Variants in RARB observed in about 807,000 individuals in gnomAD.
RARB encodes retinoic acid receptor beta.
A neutral mutation model predicts 51.9 loss-of-function variants in RARB; 17 were observed. That is an observed-to-expected ratio of 0.33 (90% CI 0.22 to 0.49). RARB has a LOEUF of 0.49. Ranked by LOEUF, RARB falls within the 20% of genes least tolerant of loss-of-function variation. The probability of loss-of-function intolerance (pLI) is 0.99; values close to 1 mark genes in which losing one functional copy is unlikely to be tolerated. For synonymous variants in RARB, 215 were observed against 195.4 expected (o/e 1.10, Z -0.84); for missense variants, 369 against 550.8 (o/e 0.67, Z 3.30).
chr3:24,877,346 C>CTTTTTTTTTTTTTTTTTTTTTTTTTT lies in RARB; in HGVS notation c.-380+18611_-380+18612insTTTTTTTTTTTTTTTTTTTTTTTTTT, dbSNP rs66976672. On this transcript the variant is annotated intron_variant, in intron 2 of 11. Coordinates refer to the RARB transcript ENST00000383772. ...ATAGTAATTTTTTAAAGCAATCTTA[C>CTTTTTTTTTTTTTTTTTTTTTTTTTT]TTTTTTTTTTTTTTTTTGGAAAATT... is the stretch of plus-strand genomic sequence containing the variant. Among the ~76,000 whole-genome samples, 95 of 81,894 alleles carry CTTTTTTTTTTTTTTTTTTTTTTTTTT rather than the reference C, an allele frequency of 1.2e-3. 16 individuals are homozygous for CTTTTTTTTTTTTTTTTTTTTTTTTTT. Among genetic ancestry groups the CTTTTTTTTTTTTTTTTTTTTTTTTTT allele is most frequent in the African/African-American group, 3.2e-3 (63 of 19,470 alleles). The allele number at this position is 81,894 out of a possible 152,430, so 53.7% of individuals were successfully genotyped here. A position where few individuals can be genotyped will look rare whatever the true frequency, so the allele number is the denominator to read the frequency against.
At chr3:25,041,972 C>G (rs1350361642) in intron 2 of RARB, among the ~76,000 whole-genome samples, 2 of 152,074 alleles carry the variant, frequency 1.3e-5, no homozygotes, top group East Asian at 3.9e-4. Context: ...AATCCGCTGT[C>G]CCCAGGGCAG....
At chr3:24,986,258 TAATA>T (rs375761421) in intron 2 of RARB, among the ~76,000 whole-genome samples, 34 of 152,328 alleles carry the variant, frequency 2.2e-4, no homozygotes, top group African/African-American at 6.3e-4. Flanking sequence ...CATGTTCAAG[TAATA>T]AATATGTCCA....
At chr3:24,871,619 TC>T (rs1212070123) in intron 2 of RARB, among the ~76,000 whole-genome samples, 1 of 152,184 alleles carries the variant, frequency 6.6e-6, no homozygotes, top group East Asian at 1.9e-4. Flanking sequence ...TGTCTTGCAT[TC>T]AATGTTCTCG....
intron 3 of RARB, among the ~76,000 whole-genome samples, chr3:25,531,866 G>C (rs943493811): frequency 6.6e-6 from 1 of 152,056 alleles, no homozygotes; most frequent in Non-Finnish European, 1.5e-5. Flanking sequence ...CTTTGCTGAA[G>C]GGAGAAGAAC....
At chr3:25,021,493 G>A (rs529657357) in intron 2 of RARB, among the ~76,000 whole-genome samples, 1 of 152,206 alleles carries the variant, frequency 6.6e-6, no homozygotes, top group South Asian at 2.1e-4. Flanking sequence ...TGGGATCTGG[G>A]ACAAGGAAGT....
rs528392652 is a variant in RARB at position 25,032,405 on chromosome 3, G to T, written c.-379-27720G>T. On this transcript the variant is annotated intron_variant, in intron 2 of 11. Transcript: ENST00000383772. ...TCTCCAAAGCCAGTTTCAGTCATTAGTTGAAGTGCTACATAAATGCTAAGT... is the reference window on the plus strand; with the variant it reads ...TCTCCAAAGCCAGTTTCAGTCATTATTTGAAGTGCTACATAAATGCTAAGT... Among the ~76,000 whole-genome samples, 97 of 152,332 alleles carry T rather than the reference G, an allele frequency of 6.4e-4. 1 individual carries two copies. The highest frequency in any genetic ancestry group is 2.2e-3 in the African/African-American group (93 of 41,578).
At chr3:25,259,115 A>G (rs1702936926) in intron 5 of RARB, 1 of 966,438 alleles carries the variant, frequency 1.0e-6, no homozygotes, top group Admixed American at 6.2e-5. Flanking sequence ...TCAAAATGAC[A>G]ATAACACACC....
At chr3:25,526,403 G>A (rs957254926) in intron 3 of RARB, among the ~76,000 whole-genome samples, 1 of 152,180 alleles carries the variant, frequency 6.6e-6, no homozygotes, top group Non-Finnish European at 1.5e-5. Flanking sequence ...CACATTTGCA[G>A]TTTGAATATA....
At chr3:25,173,949 T>C (rs1309032068) in intron 4 of RARB, among the ~76,000 whole-genome samples, 1 of 152,170 alleles carries the variant, frequency 6.6e-6, no homozygotes, top group East Asian at 1.9e-4. Flanking sequence ...AAAGTTGTAG[T>C]CTATGTTAGA....
intron 2 of RARB, among the ~76,000 whole-genome samples, chr3:24,886,259 T>C (rs1400854383): frequency 6.6e-6 from 1 of 152,150 alleles, no homozygotes; most frequent in Non-Finnish European, 1.5e-5. Flanking sequence ...CCTCTCTAAA[T>C]AGACTACACA....
intron 5 of RARB, among the ~76,000 whole-genome samples, chr3:25,310,480 G>A (rs1006061001): frequency 1.3e-5 from 2 of 152,148 alleles, no homozygotes; most frequent in African/African-American, 2.4e-5. Context: ...GAAATAGGGG[G>A]TTTGGACATT....
chr3:25,083,138 T>C (rs368643976), intron 3 of RARB, among the ~76,000 whole-genome samples: 1 of 31,040 alleles, frequency 3.2e-5, no homozygotes, highest in African/African-American at 4.6e-4. Context: ...GTATGATTTT[T>C]CTTTTTTTCT....
chr3:25,307,781 A>T (rs898183246), intron 5 of RARB, among the ~76,000 whole-genome samples: 1 of 152,208 alleles, frequency 6.6e-6, no homozygotes, highest in South Asian at 2.1e-4. Flanking sequence ...TCCAGCTGGA[A>T]TCTTTCTCAG....
intron 3 of RARB, among the ~76,000 whole-genome samples, chr3:25,077,416 G>T (rs1403854228): frequency 2.0e-5 from 3 of 152,082 alleles, no homozygotes; most frequent in Admixed American, 6.6e-5. Flanking sequence ...TATTGTCTAA[G>T]ATTAATTTTA....
At chr3:25,166,684 A>C (rs373053543) in intron 4 of RARB, among the ~76,000 whole-genome samples, 7 of 152,208 alleles carry the variant, frequency 4.6e-5, no homozygotes, top group African/African-American at 1.7e-4. Flanking sequence ...GTTTTCTCCA[A>C]AAATCTTGTC....
chr3:24,908,854 T>C (rs1333119924), intron 2 of RARB, among the ~76,000 whole-genome samples: 1 of 152,040 alleles, frequency 6.6e-6, no homozygotes, highest in African/African-American at 2.4e-5. Flanking sequence ...TTAAATTTTT[T>C]CCCCAGTTTC....
At chr3:24,833,592 C>T (rs944044358) in intron 1 of RARB, among the ~76,000 whole-genome samples, 2 of 152,220 alleles carry the variant, frequency 1.3e-5, no homozygotes, top group Non-Finnish European at 2.9e-5. Context: ...ACATTTTACA[C>T]ACAAAATTAA....
intron 2 of RARB, among the ~76,000 whole-genome samples, chr3:24,909,432 A>C (rs1694941749): frequency 6.6e-6 from 1 of 152,196 alleles, no homozygotes. Context: ...AAGTTCACTG[A>C]CGCGGGTGAA....
At chr3:25,501,092 G>T in intron 2 of RARB, 90 bp from the exon 3 acceptor site, 1 of 1,426,232 alleles carries the variant, frequency 7.0e-7, no homozygotes, top group Non-Finnish European at 9.3e-7. Context: ...TACTCAAAAA[G>T]AGCAATTAAT....
Sources: allele counts gnomAD v4.1 joint callset (sites outside exome capture counted in the v4.1 genomes callset), GRCh38; gene constraint gnomAD v4.1.1; transcripts MANE v1.5; gene names NCBI Gene and HGNC (gene_info 2026-07-23, HGNC 2026-07-21).